The following DLGAP1 variants were observed in gnomAD, a reference collection of about 807,000 sequenced individuals.
DLGAP1 encodes DLG associated protein 1.
DLGAP1 carries 11 observed loss-of-function variants against 90.8 expected under a neutral mutation model. That is an observed-to-expected ratio of 0.12 (90% CI 0.08 to 0.20). The LOEUF (loss-of-function observed/expected upper bound fraction) is 0.20, where lower values mean the gene tolerates loss of function less well. Among genes scored for constraint, DLGAP1 ranks in the 10% least tolerant of loss-of-function variants. DLGAP1 has a pLI of 1.00. For missense variants in DLGAP1, 1,050 were observed against 1,333.8 expected, an observed-to-expected ratio of 0.79 and a Z score of 3.31; for synonymous variants, 558 against 540.7, an observed-to-expected ratio of 1.03 and a Z score of -0.44.
intron 1 of DLGAP1, among the ~76,000 whole-genome samples, chr18:4,307,023 T>C (rs1407725845): frequency 6.6e-6 from 1 of 152,140 alleles, no homozygotes; most frequent in African/African-American, 2.4e-5. Context: ...GAAACACAAA[T>C]AAAAACTATC....
chr18:4,341,454 T>C (rs953196866), intron 1 of DLGAP1, among the ~76,000 whole-genome samples: 1 of 152,156 alleles, frequency 6.6e-6, no homozygotes, highest in African/African-American at 2.4e-5. Flanking sequence ...TGAAAGGACA[T>C]AATGTTTCAG....
chr18:3,768,946 T>C (rs767152962), intron 5 of DLGAP1, among the ~76,000 whole-genome samples: 1 of 152,174 alleles, frequency 6.6e-6, no homozygotes, highest in Non-Finnish European at 1.5e-5. Flanking sequence ...TTAAAAACTT[T>C]AGCTCTGTGA....
intron 2 of DLGAP1, among the ~76,000 whole-genome samples, chr18:4,090,507 T>C (rs1223103456): frequency 2.6e-5 from 4 of 152,228 alleles, no homozygotes; most frequent in Non-Finnish European, 5.9e-5. Context: ...TCAACATCCC[T>C]GTTCATTAGA....
chr18:4,170,992 T>C (rs566014831), intron 1 of DLGAP1, among the ~76,000 whole-genome samples: 1 of 152,276 alleles, frequency 6.6e-6, no homozygotes, highest in East Asian at 1.9e-4. Context: ...AAGGCTTAAA[T>C]TTGCATGAGT....
intron 9 of DLGAP1, among the ~76,000 whole-genome samples, chr18:3,552,861 T>C (rs1370982409): frequency 6.6e-6 from 1 of 152,198 alleles, no homozygotes; most frequent in East Asian, 1.9e-4. Flanking sequence ...TTAAATGGGA[T>C]TACATCTTGG....
chr18:4,037,062 A>G (rs2074899993), intron 2 of DLGAP1, among the ~76,000 whole-genome samples: 2 of 152,270 alleles, frequency 1.3e-5, no homozygotes, highest in Middle Eastern at 6.8e-3. Context: ...CTCTTTGCTC[A>G]TTGATTGTGA....
At position 4,269,355 on chromosome 18, in the gene DLGAP1, T is replaced by TATA. The variant is rs1491301485; in HGVS notation, c.-266-118069_-266-118068insTAT. ...ATACATATATATATATATATATATA[T>TATA]TTTTTTTTTTCTTTTTGAGACGGAG... On this transcript the variant is annotated intron_variant, in intron 1 of 12. Coordinates refer to ENST00000315677, the MANE Select transcript of DLGAP1 (RefSeq NM_004746.4). Among the ~76,000 whole-genome samples, 25 of 100,398 alleles carry TATA rather than the reference T, an allele frequency of 2.5e-4. 1 individual carries two copies. The highest frequency in any genetic ancestry group is 1.3e-3 in the African/African-American group (18 of 13,716). 65.9% of individuals were successfully genotyped at this position (100,398 alleles called of 152,430 possible).
chr18:4,337,299 TCCC>T (rs919436216), intron 1 of DLGAP1, among the ~76,000 whole-genome samples: 4 of 146,074 alleles, frequency 2.7e-5, no homozygotes, highest in African/African-American at 1.0e-4. Flanking sequence ...GTTCAGGTGA[TCCC>T]CCCACCTCAA....
At chr18:3,998,355 T>G (rs540879847) in intron 3 of DLGAP1, among the ~76,000 whole-genome samples, 1 of 152,298 alleles carries the variant, frequency 6.6e-6, no homozygotes, top group East Asian at 1.9e-4. Flanking sequence ...ACAGTATTAT[T>G]AGGAATTCAT....
intron 4 of DLGAP1, among the ~76,000 whole-genome samples, chr18:3,834,262 C>T (rs572528365): frequency 2.1e-4 from 30 of 144,662 alleles, no homozygotes; most frequent in Middle Eastern, 3.6e-3. Flanking sequence ...GCCGAGATCG[C>T]GCCACTGCAC....
At chr18:3,679,978 G>A (rs2060453925) in intron 7 of DLGAP1, 2 of 151,918 alleles carry the variant, frequency 1.3e-5, no homozygotes, top group Non-Finnish European at 2.9e-5. Context: ...GAGCCACCAT[G>A]CCCAGCCATG....
At chr18:4,204,521 T>TG (rs2077680299) in intron 1 of DLGAP1, among the ~76,000 whole-genome samples, 1 of 151,712 alleles carries the variant, frequency 6.6e-6, no homozygotes, top group African/African-American at 2.4e-5. Flanking sequence ...TTTTTTTTGT[T>TG]TTTGTTTTTT....
At chr18:4,393,930 C>T (rs535480144) in intron 1 of DLGAP1, among the ~76,000 whole-genome samples, 5 of 151,742 alleles carry the variant, frequency 3.3e-5, no homozygotes, top group African/African-American at 7.2e-5. Flanking sequence ...TAACAGGAGG[C>T]GGGGCTCAGG....
At chr18:3,957,663 TTTA>T (rs2073109209) in intron 3 of DLGAP1, among the ~76,000 whole-genome samples, 2 of 152,252 alleles carry the variant, frequency 1.3e-5, no homozygotes, top group African/African-American at 4.8e-5. Context: ...ATTTTATTAC[TTTA>T]TTATTTACTT....
intron 3 of DLGAP1, among the ~76,000 whole-genome samples, chr18:4,004,814 G>C (rs1035227394): frequency 1.1e-4 from 16 of 152,038 alleles, no homozygotes; most frequent in African/African-American, 3.9e-4. Context: ...ATAAATTATT[G>C]TGTGCATTGA....
At chr18:4,199,032 T>A (rs544684408) in intron 1 of DLGAP1, among the ~76,000 whole-genome samples, 2 of 152,362 alleles carry the variant, frequency 1.3e-5, no homozygotes, top group Non-Finnish European at 2.9e-5. Flanking sequence ...GAACCTTGTG[T>A]GGTTTTACAA....
At position 4,185,264 on chromosome 18, in the gene DLGAP1, T is replaced by G. The variant is rs886392779; in HGVS notation, c.-266-33977A>C. Among the ~76,000 whole-genome samples the G allele has an allele frequency of 2.5e-4, 12 of 48,902 alleles. 1 individual carries two copies. The East Asian group carries it at 0.036, about 146-fold the overall frequency. 32.1% of individuals were successfully genotyped at this position (48,902 alleles called of 152,430 possible). A position where few individuals can be genotyped will look rare whatever the true frequency, so the allele number is the denominator to read the frequency against. On this transcript the variant is annotated intron_variant, in intron 1 of 12. Coordinates refer to ENST00000315677, the MANE Select transcript of DLGAP1 (RefSeq NM_004746.4). ...AAGATTTTCATGAAGTATTTGAGGT[T>G]TTTTTTTTTTAACTTTTATTTCAGG...
rs369677450 is a variant in DLGAP1 at position 3,806,773 on chromosome 18, CTT to C, written c.1172+7284_1172+7285del. ...GCACTACCTAAAGGAAGTGAGGAGT[CTT>C]TGTTGCCAGAAACCTTAGCCAGGGC... is the stretch of plus-strand genomic sequence containing the variant. On this transcript the variant is annotated intron_variant, in intron 5 of 12. Transcript: ENST00000315677. 6.6e-5 allele frequency among the ~76,000 whole-genome samples: 10 copies of C among 152,316 alleles called. No homozygotes were observed. In the South Asian group the frequency reaches 1.0e-3, roughly 16 times the overall value.
intron 3 of DLGAP1, among the ~76,000 whole-genome samples, chr18:3,994,852 C>A (rs2074036638): frequency 1.3e-5 from 2 of 152,118 alleles, no homozygotes; most frequent in South Asian, 2.1e-4. Context: ...TGGAGCACAG[C>A]TCTTTAATAC....
Sources: allele counts gnomAD v4.1 joint callset (sites outside exome capture counted in the v4.1 genomes callset), GRCh38; gene constraint gnomAD v4.1.1; transcripts MANE v1.5; gene names NCBI Gene and HGNC (gene_info 2026-07-23, HGNC 2026-07-21).